Variants in LHFPL3 observed in about 807,000 individuals in gnomAD.
LHFPL3 encodes the protein LHFPL tetraspan subfamily member 3 protein.
LHFPL3 carries 5 observed loss-of-function variants against 19.3 expected under a neutral mutation model. The ratio of observed to expected loss-of-function variants is 0.26; its 90% CI spans 0.14 to 0.54. The LOEUF is 0.54. Ranked by LOEUF, LHFPL3 falls within the 20% of genes least tolerant of loss-of-function variation. The probability of loss-of-function intolerance (pLI) is 0.94; values close to 1 mark genes in which losing one functional copy is unlikely to be tolerated. For missense variants in LHFPL3, 249 were observed against 307.4 expected, an observed-to-expected ratio of 0.81 and a Z score of 1.42; for synonymous variants, 133 against 126.2, an observed-to-expected ratio of 1.05 and a Z score of -0.36.
chr7:104,520,998 TG>T (rs1252039095), intron 1 of LHFPL3, among the ~76,000 whole-genome samples: 1 of 151,726 alleles, frequency 6.6e-6, no homozygotes, highest in Non-Finnish European at 1.5e-5. Context: ...AGCTTTTGAA[TG>T]TGTTTGCTCT....
chr7:104,644,495 C>A (rs781454360), intron 1 of LHFPL3, among the ~76,000 whole-genome samples: 12 of 152,194 alleles, frequency 7.9e-5, no homozygotes, highest in Admixed American at 2.6e-4. Flanking sequence ...AGCATCCATG[C>A]CCGCTCCCAG....
At chr7:104,421,856 C>A (rs1163695302) in intron 1 of LHFPL3, among the ~76,000 whole-genome samples, 1 of 152,060 alleles carries the variant, frequency 6.6e-6, no homozygotes, top group Non-Finnish European at 1.5e-5. Context: ...GGAGGTGGGG[C>A]ATTTGGGAGG....
intron 2 of LHFPL3, among the ~76,000 whole-genome samples, chr7:104,783,527 G>A (rs1208002187): frequency 1.3e-5 from 2 of 152,150 alleles, no homozygotes; most frequent in African/African-American, 2.4e-5. Context: ...GACTGCAAAC[G>A]CCAAAAACAA....
At chr7:104,348,727 C>T (rs746441328) in intron 1 of LHFPL3, among the ~76,000 whole-genome samples, 1 of 152,042 alleles carries the variant, frequency 6.6e-6, no homozygotes, top group African/African-American at 2.4e-5. Flanking sequence ...CTATAAAATC[C>T]GAAAGTTGAG....
chr7:104,743,758 G>A (rs923934697), intron 2 of LHFPL3, among the ~76,000 whole-genome samples: 3 of 152,168 alleles, frequency 2.0e-5, no homozygotes, highest in Admixed American at 6.5e-5. Flanking sequence ...AGGAAGGATT[G>A]GATGCAAGAC....
chr7:104,713,938 G>A (rs1793340368), intron 1 of LHFPL3, among the ~76,000 whole-genome samples: 1 of 152,122 alleles, frequency 6.6e-6, no homozygotes, highest in Non-Finnish European at 1.5e-5. Flanking sequence ...CTCTGCCTGG[G>A]GCCACTCTAG....
chr7:104,518,840 T>A (rs988930496), intron 1 of LHFPL3, among the ~76,000 whole-genome samples: 55 of 147,696 alleles, frequency 3.7e-4, no homozygotes, highest in South Asian at 1.1e-3. Flanking sequence ...GATAGATAGA[T>A]AGATAGAATA....
chr7:104,692,213 A>G (rs902703442), intron 1 of LHFPL3, among the ~76,000 whole-genome samples: 6 of 152,250 alleles, frequency 3.9e-5, no homozygotes, highest in African/African-American at 1.4e-4. Flanking sequence ...ACTTATGTTT[A>G]AAAGGGAAGC....
chr7:104,617,606 A>G (rs1237571534), intron 1 of LHFPL3, among the ~76,000 whole-genome samples: 1 of 152,236 alleles, frequency 6.6e-6, no homozygotes, highest in Non-Finnish European at 1.5e-5. Flanking sequence ...TCTAATGTTC[A>G]GATATTTCCA....
chr7:104,375,417 T>C (rs1316035074), intron 1 of LHFPL3, among the ~76,000 whole-genome samples: 1 of 152,098 alleles, frequency 6.6e-6, no homozygotes, highest in Non-Finnish European at 1.5e-5. Flanking sequence ...TGGTAAAATT[T>C]GGTGTGTTTG....
chr7:104,341,720 A>T (rs1350936048), intron 1 of LHFPL3, among the ~76,000 whole-genome samples: 1 of 152,048 alleles, frequency 6.6e-6, no homozygotes, highest in East Asian at 1.9e-4. Context: ...TTTGCTGAAG[A>T]CCCCTCCATT....
intron 1 of LHFPL3, among the ~76,000 whole-genome samples, chr7:104,342,996 C>CT (rs10668194): frequency 0.4 from 56,797 of 140,816 alleles, 11,550 homozygotes; most frequent in Middle Eastern, 0.51. Context: ...AAAGAATTGA[C>CT]TTTTTTTTTT....
At chr7:104,812,803 CAAAAAAAAAAAAA>C (rs59809377) in intron 2 of LHFPL3, among the ~76,000 whole-genome samples, 2 of 31,314 alleles carry the variant, frequency 6.4e-5, no homozygotes, top group Non-Finnish European at 1.1e-4. Flanking sequence ...GACTCCATCT[CAAAAAAAAAAAAA>C]AAAAAAAAAA....
chr7:104,351,417 G>A (rs1790171632), intron 1 of LHFPL3, among the ~76,000 whole-genome samples: 1 of 152,134 alleles, frequency 6.6e-6, no homozygotes, highest in African/African-American at 2.4e-5. Context: ...GCACTCTTCT[G>A]TGATTAACCT....
intron 2 of LHFPL3, among the ~76,000 whole-genome samples, chr7:104,779,846 C>T (rs776882884): frequency 4.6e-5 from 7 of 152,214 alleles, no homozygotes; most frequent in Non-Finnish European, 8.8e-5. Flanking sequence ...TGCAAGACTC[C>T]GTCGCCGGAG....
chr7:104,535,039 A>G (rs1047170770), intron 1 of LHFPL3, among the ~76,000 whole-genome samples: 3 of 151,896 alleles, frequency 2.0e-5, no homozygotes, highest in African/African-American at 7.3e-5. Context: ...AGCTGTAGGG[A>G]CAGAAAGTTC....
At chr7:104,456,319 T>C (rs1208110050) in intron 1 of LHFPL3, among the ~76,000 whole-genome samples, 1 of 152,178 alleles carries the variant, frequency 6.6e-6, no homozygotes. Context: ...AAGGCCGAAA[T>C]GCATACATGG....
At chr7:104,636,211 T>A (rs1398302233) in intron 1 of LHFPL3, among the ~76,000 whole-genome samples, 2 of 152,114 alleles carry the variant, frequency 1.3e-5, no homozygotes, top group South Asian at 4.1e-4. Flanking sequence ...AAGAGCTTTT[T>A]TCAATAGTTA....
chr7:104,495,663 T>G (rs541164835), intron 1 of LHFPL3, among the ~76,000 whole-genome samples: 305 of 152,240 alleles, frequency 2.0e-3, no homozygotes, highest in African/African-American at 3.5e-3. Context: ...GATTACAGGC[T>G]TGAGCTAACG....
Sources: gnomAD v4.1 joint callset for allele counts (sites outside exome capture counted in the v4.1 genomes callset) on GRCh38, gnomAD v4.1.1 for gene constraint, MANE v1.5 for transcripts, NCBI Gene and HGNC (gene_info 2026-07-23, HGNC 2026-07-21) for gene names.